The following POLR3A variants were observed in gnomAD, a reference collection of about 807,000 sequenced individuals.
POLR3A encodes DNA-directed RNA polymerase III subunit RPC1.
POLR3A carries 112 observed loss-of-function variants against 152.8 expected under a neutral mutation model. The observed-to-expected ratio is 0.73, with a 90% confidence interval of 0.63 to 0.86. The LOEUF is 0.86. POLR3A is among the 40% of genes least tolerant of loss of function. The probability of loss-of-function intolerance (pLI) is 0.00; values close to 1 mark genes in which losing one functional copy is unlikely to be tolerated. For missense variants in POLR3A, 1,385 were observed against 1,743.1 expected, an observed-to-expected ratio of 0.79 and a Z score of 3.66; for synonymous variants, 615 against 652.1, an observed-to-expected ratio of 0.94 and a Z score of 0.87.
rs1847081749 is a variant in POLR3A, at chr10:77,975,742, A to T, written c.*1736T>A. On this transcript the variant is annotated 3_prime_UTR_variant, in exon 31 of 31. Coordinates refer to ENST00000372371, the MANE Select transcript of POLR3A (RefSeq NM_007055.4). ...GAGTTCACTCCTATGATTCAATTCT[A>T]CCCTCCCCTGGCCTTTGCACGGATC... is the stretch of plus-strand genomic sequence containing the variant. 1 of 151,584 alleles carries T rather than the reference A, an allele frequency of 6.6e-6. No individual in the cohort carries two copies. The highest frequency in any genetic ancestry group is 2.4e-5 in the African/African-American group (1 of 41,196). The allele number at this position is 151,584 out of a possible 1,614,324, so 9.4% of individuals were successfully genotyped here.
At chr10:78,026,334 A>G in intron 1 of POLR3A, 105 bp from the exon 2 acceptor site, 1 of 1,151,226 alleles carries the variant, frequency 8.7e-7, no homozygotes, top group South Asian at 1.3e-5. Flanking sequence ...AACTGTCTCC[A>G]CTGGCTTTTC....
At chr10:78,013,301 C>A in intron 11 of POLR3A, 1 of 303,690 alleles carries the variant, frequency 3.3e-6, no homozygotes, top group Non-Finnish European at 6.4e-6. Flanking sequence ...TCTTCTTCCC[C>A]TGTGACAGCC....
chr10:77,984,228 T>C lies in POLR3A; in HGVS notation c.3313A>G (p.Ile1105Val). Reference protein sequence around the residue: ...ADYARLVKGRIEKTLLGEISE... With the variant: ...ADYARLVKGRVEKTLLGEISE... ...ACCTCTCCCAAGAGGGTTTTCTCAA[T>C]TCTCCCTTTCACGAGGCGAGCATAA... Residue 1105 changes from isoleucine to valine, a missense_variant, in exon 25 of 31, where the codon ATT (isoleucine) becomes GTT (valine). Physicochemically the swap from Ile to Val is conservative, Grantham distance 29 (BLOSUM62 3). Coordinates refer to ENST00000372371, the MANE Select transcript of POLR3A (RefSeq NM_007055.4). 1.2e-6 allele frequency: 2 copies of C among 1,610,600 alleles called. No homozygotes were observed. The highest frequency in any genetic ancestry group is 1.7e-6 in the Non-Finnish European group (2 of 1,176,954).
chr10:77,997,061 A>C (rs1353574214), intron 19 of POLR3A, among the ~76,000 whole-genome samples: 2 of 152,120 alleles, frequency 1.3e-5, no homozygotes, highest in Non-Finnish European at 2.9e-5. Context: ...AAGACAAAAA[A>C]CACATGATTA....
At chr10:78,025,783 G>C (rs1847628253) in intron 2 of POLR3A, 24 bp from the exon 3 acceptor site, 1 of 1,611,852 alleles carries the variant, frequency 6.2e-7, no homozygotes, top group Non-Finnish European at 8.5e-7. Context: ...CACACCCAAT[G>C]ATCAACACAG....
rs930506265 is a variant in POLR3A at position 77,982,750 on chromosome 10, G to A, written c.3497C>T (p.Ala1166Val). 1 of 1,613,844 alleles carries A rather than the reference G, an allele frequency of 6.2e-7. No homozygotes were observed. The highest frequency in any genetic ancestry group is 1.1e-5 in the South Asian group (1 of 91,062). Residue 1166 changes from alanine to valine, a missense_variant, in exon 27 of 31, where the codon GCT becomes GTT. Ala to Val is a moderately conservative substitution (Grantham distance 64). Around this residue, in one of 7 missense-constraint regions of POLR3A, gnomAD observed 332 missense variants for 400.1 expected, o/e 0.83. Transcript: ENST00000372371. Reference protein sequence around the residue: ...SKLRVKPGDVAVHGEAVVCVT... With the variant: ...SKLRVKPGDVVVHGEAVVCVT... ...ACACACCACAGCCTCACCATGAACA[G>A]CCACATCACCGGGCTTCACACGGAG...
At chr10:78,014,326 T>C (rs1240325995) in intron 10 of POLR3A, among the ~76,000 whole-genome samples, 1 of 152,060 alleles carries the variant, frequency 6.6e-6, no homozygotes, top group African/African-American at 2.4e-5. Flanking sequence ...ACCAACTAAA[T>C]AAAAACCCAT....
intron 26 of POLR3A, 81 bp from the exon 27 acceptor site, chr10:77,982,898 T>A: frequency 7.3e-7 from 1 of 1,370,476 alleles, no homozygotes; most frequent in Non-Finnish European, 1.0e-6. Flanking sequence ...TAAGAAGTCC[T>A]TTTAGTCAGG....
At chr10:77,994,752 G>C (rs1162984430) in intron 19 of POLR3A, among the ~76,000 whole-genome samples, 1 of 152,174 alleles carries the variant, frequency 6.6e-6, no homozygotes, top group Non-Finnish European at 1.5e-5. Context: ...ATGTTATCCA[G>C]GAGAACTTCC....
intron 14 of POLR3A, among the ~76,000 whole-genome samples, chr10:78,008,486 C>T (rs1463181049): frequency 1.3e-5 from 2 of 152,152 alleles, no homozygotes; most frequent in Admixed American, 6.5e-5. Flanking sequence ...TTCAGTTCTT[C>T]AGTACAGAGT....
intron 19 of POLR3A, among the ~76,000 whole-genome samples, chr10:77,995,637 A>G (rs1293533118): frequency 2.0e-5 from 3 of 152,124 alleles, no homozygotes; most frequent in Non-Finnish European, 4.4e-5. Context: ...TGCACCCAAT[A>G]CAGGAGCACC....
At position 77,993,273 on chromosome 10, in the gene POLR3A, C is replaced by T. The variant is rs1281088898; in HGVS notation, c.2711G>A (p.Gly904Glu). ...TGDIIQFIYG[G>E]DGLDPAAMEG... ...CATAGCTGCAGGATCTAAGCCATCTCCTCCATAAATGAACTGGATAATATC... is the reference window on the plus strand; with the variant it reads ...CATAGCTGCAGGATCTAAGCCATCTTCTCCATAAATGAACTGGATAATATC... Residue 904 changes from glycine to glutamate, a missense_variant, in exon 20 of 31, where the codon GGA (glycine) becomes GAA (glutamate). Transcript: ENST00000372371. The T allele has an allele frequency of 1.2e-6, 2 of 1,613,048 alleles. No homozygotes were observed. Among genetic ancestry groups the T allele is most frequent in the Non-Finnish European group, 1.7e-6 (2 of 1,179,144 alleles).
At chr10:77,988,868 C>G (rs1231142047) in intron 21 of POLR3A, among the ~76,000 whole-genome samples, 1 of 152,154 alleles carries the variant, frequency 6.6e-6, no homozygotes, top group African/African-American at 2.4e-5. Context: ...GCTGCCTTAC[C>G]TGTTGGCACA....
intron 5 of POLR3A, among the ~76,000 whole-genome samples, chr10:78,023,487 G>C (rs542169727): frequency 6.6e-6 from 1 of 151,082 alleles, no homozygotes; most frequent in Non-Finnish European, 1.5e-5. Flanking sequence ...TGTTAAAAAA[G>C]AACTAAGGTA....
chr10:78,009,725 T>A, intron 13 of POLR3A, 50 bp from the exon 14 acceptor site: 1 of 1,613,612 alleles, frequency 6.2e-7, no homozygotes, highest in East Asian at 2.2e-5. Flanking sequence ...CTGGTCTCAA[T>A]CCCCCTTCAG....
At position 78,022,039 on chromosome 10, in the gene POLR3A, C is replaced by G. The variant is rs1390642568; in HGVS notation, c.886-17G>C. ...GATCCGATGCTAAAACCAGCACAGC[C>G]CAAACAGAAACAAACCTGGTCAGTT... On this transcript the variant is annotated splice_polypyrimidine_tract_variant and intron_variant, in intron 6 of 30. Transcript: ENST00000372371. The G allele has an allele frequency of 6.2e-7, 1 of 1,614,136 alleles. No individual in the cohort carries two copies. Among genetic ancestry groups the G allele is most frequent in the Non-Finnish European group, 8.5e-7 (1 of 1,180,036 alleles).
chr10:77,982,880 T>C, intron 26 of POLR3A, 63 bp from the exon 27 acceptor site: 1 of 1,525,530 alleles, frequency 6.6e-7, no homozygotes, highest in South Asian at 1.1e-5. Context: ...ATTTCATTGT[T>C]GCCCCTCTAA....
intron 29 of POLR3A, among the ~76,000 whole-genome samples, chr10:77,981,162 G>A (rs1344033610): frequency 6.6e-6 from 1 of 152,142 alleles, no homozygotes; most frequent in Non-Finnish European, 1.5e-5. Flanking sequence ...CATTCAGGAT[G>A]AGGACGGAAC....
intron 11 of POLR3A, among the ~76,000 whole-genome samples, chr10:78,011,663 T>C (rs764004545): frequency 1.3e-5 from 2 of 152,196 alleles, no homozygotes; most frequent in Non-Finnish European, 2.9e-5. Flanking sequence ...TGAGGTGGGA[T>C]ACAGGTAGTC....
Sources: gnomAD v4.1 joint callset for allele counts (sites outside exome capture counted in the v4.1 genomes callset) on GRCh38, gnomAD v4.1.1 for gene constraint, gnomAD v4.1.1 regional missense constraint, MANE v1.5 for transcripts, NCBI Gene and HGNC (gene_info 2026-07-23, HGNC 2026-07-21) for gene names.